The following TRMT2B variants were observed in gnomAD, a reference collection of about 807,000 sequenced individuals.
TRMT2B encodes tRNA (uracil-5-)-methyltransferase homolog B.
In TRMT2B, 34 loss-of-function variants were observed where a neutral mutation model predicts 39.7. The observed-to-expected ratio is 0.86, with a 90% CI of 0.65 to 1.14. The LOEUF is 1.14. Ranked by LOEUF, TRMT2B falls within the 50% of genes most tolerant of loss-of-function variation. The pLI is 0.00. For synonymous variants in TRMT2B, 132 were observed against 137.3 expected, an observed-to-expected ratio of 0.96 and a Z score of 0.27; for missense variants, 318 against 377.2, an observed-to-expected ratio of 0.84 and a Z score of 1.30.
At chrX:100,996,893 A>G in the TRMT2B span, among the ~76,000 whole-genome samples, 1 of 112,035 alleles carries the variant, frequency 8.9e-6, no homozygotes, top group Non-Finnish European at 1.9e-5. Context: ...CCTGGGCAAC[A>G]GAGTGAGACG....
At chrX:101,022,181 T>C (rs1016175698) in intron 8 of TRMT2B, 119 bp from the exon 9 acceptor site, 1 of 496,238 alleles carries the variant, frequency 2.0e-6, no homozygotes. Flanking sequence ...ACAAATCTTA[T>C]TATAAATAAC....
At chrX:100,977,535 C>CA in the TRMT2B span, among the ~76,000 whole-genome samples, 1 of 110,424 alleles carries the variant, frequency 9.1e-6, no homozygotes. Context: ...CGTGTGCCAC[C>CA]ACACCTGGCT....
At position 101,030,554 on chromosome X, in the gene TRMT2B, G is replaced by A. The variant is rs567981261; in HGVS notation, c.609+5059C>T. Among the ~76,000 whole-genome samples, 89 of 102,363 alleles carry A rather than the reference G, an allele frequency of 8.7e-4. 1 individual carries two copies. The South Asian group carries it at 0.035, about 41-fold the overall frequency. The allele number at this position is 102,363 out of a possible 115,157, so 88.9% of individuals were successfully genotyped here. A position where few individuals can be genotyped will look rare whatever the true frequency, so the allele number is the denominator to read the frequency against. On this transcript the variant is annotated intron_variant, in intron 7 of 13. Coordinates refer to ENST00000372936, the MANE Select transcript of TRMT2B (RefSeq NM_024917.6). ...CAACCTCCGCCTCCCGGGTTCAAGC[G>A]ATTCTGCCTCAGCCTCCTGAGAATC...
the TRMT2B span, chrX:100,990,701 A>G: frequency 5.5e-5 from 45 of 812,829 alleles, no homozygotes; most frequent in Non-Finnish European, 6.8e-5. Context: ...CTTGTGGACA[A>G]TAAGTCATGG....
At chrX:101,033,155 C>T (rs2087603719) in intron 7 of TRMT2B, among the ~76,000 whole-genome samples, 1 of 107,338 alleles carries the variant, frequency 9.3e-6, no homozygotes, top group Admixed American at 1.0e-4. Flanking sequence ...ACTTGGGAGG[C>T]TGAGGCAGGA....
the TRMT2B span, among the ~76,000 whole-genome samples, chrX:100,996,718 G>A: frequency 7.7e-4 from 85 of 110,845 alleles, no homozygotes; most frequent in East Asian, 0.013. Context: ...TACATTTCCA[G>A]CCTGGGCAAC....
At chrX:101,032,524 T>C (rs1187663236) in intron 7 of TRMT2B, among the ~76,000 whole-genome samples, 2 of 106,793 alleles carry the variant, frequency 1.9e-5, no homozygotes, top group Non-Finnish European at 3.8e-5. Flanking sequence ...GAGGCAGAGG[T>C]AGCAGTGAGC....
chrX:101,014,084 C>A (rs2086397111), intron 13 of TRMT2B, among the ~76,000 whole-genome samples: 1 of 110,785 alleles, frequency 9.0e-6, no homozygotes, highest in Non-Finnish European at 1.9e-5. Flanking sequence ...AAGACTCCAT[C>A]CCCCGCAAAA....
the TRMT2B span, chrX:100,985,997 C>T: frequency 9.3e-7 from 1 of 1,072,104 alleles, no homozygotes; most frequent in Non-Finnish European, 1.2e-6. Context: ...GGGGTGGTCC[C>T]TTTGTCACAC....
rs1602724712 is a variant in TRMT2B at position 101,051,861 on chromosome X, C to T, written c.-551G>A. The T allele has an allele frequency of 5.6e-5, 15 of 268,755 alleles. No individual in the cohort carries two copies. Among genetic ancestry groups the T allele is most frequent in the Non-Finnish European group, 7.7e-5 (15 of 195,290 alleles). The allele number at this position is 268,755 out of a possible 1,213,427, so 22.1% of individuals were successfully genotyped here. A position where few individuals can be genotyped will look rare whatever the true frequency, so the allele number is the denominator to read the frequency against. On this transcript the variant is annotated 5_prime_UTR_variant, in exon 1 of 14. Transcript: ENST00000372936. ...GGCCAGCGGATGGCCTGGTTTGCTG[C>T]GGCGGGGAAACAGTCACTTCCTGGT...
intron 13 of TRMT2B, among the ~76,000 whole-genome samples, chrX:101,013,913 C>T (rs1382031839): frequency 9.1e-6 from 1 of 109,834 alleles, no homozygotes; most frequent in Non-Finnish European, 1.9e-5. Flanking sequence ...CATAGTAAGA[C>T]CCTGACTCTA....
chrX:101,007,928 G>A (rs1471745982), downstream of TRMT2B, among the ~76,000 whole-genome samples: 2 of 110,986 alleles, frequency 1.8e-5, no homozygotes, highest in East Asian at 2.8e-4. Context: ...CAATAACCTG[G>A]AGAGAGATGA....
chrX:101,011,176 A>G (rs770024879), intron 13 of TRMT2B, among the ~76,000 whole-genome samples: 1 of 111,696 alleles, frequency 9.0e-6, no homozygotes, highest in African/African-American at 3.2e-5. Flanking sequence ...TTGTTAGGCA[A>G]TTTCTTCACT....
chrX:100,993,096 AG>A, the TRMT2B span, among the ~76,000 whole-genome samples: 1 of 112,097 alleles, frequency 8.9e-6, no homozygotes. Flanking sequence ...GGCACAGCTT[AG>A]AATTATGAAG....
chrX:100,982,091 G>A, the TRMT2B span, among the ~76,000 whole-genome samples: 1 of 110,868 alleles, frequency 9.0e-6, no homozygotes, highest in African/African-American at 3.3e-5. Context: ...TTAGACTAGC[G>A]CCTTTCAAAC....
At chrX:101,018,950 T>A in intron 13 of TRMT2B, 21 bp downstream of exon 13, 1 of 1,103,388 alleles carries the variant, frequency 9.1e-7, no homozygotes, top group Non-Finnish European at 1.3e-6. Context: ...CAAAAAATTT[T>A]AAACAGAAGT....
At chrX:100,995,926 T>C in the TRMT2B span, among the ~76,000 whole-genome samples, 304 of 112,085 alleles carry the variant, frequency 2.7e-3, no homozygotes, top group African/African-American at 9.5e-3. Context: ...ACAGTTCTTT[T>C]ACATTCCACA....
At chrX:101,028,308 G>A (rs2087243203) in intron 7 of TRMT2B, among the ~76,000 whole-genome samples, 1 of 108,707 alleles carries the variant, frequency 9.2e-6, no homozygotes, top group Non-Finnish European at 1.9e-5. Context: ...TAGTAGAGAT[G>A]GGGTTTCACT....
downstream of TRMT2B, among the ~76,000 whole-genome samples, chrX:101,005,880 C>CAAAAA (rs370275736): frequency 3.4e-4 from 22 of 64,231 alleles, no homozygotes; most frequent in East Asian, 2.6e-3. Flanking sequence ...GATTCCCACT[C>CAAAAA]AAAAAAAAAA....
Sources: gnomAD v4.1 joint callset for allele counts (sites outside exome capture counted in the v4.1 genomes callset) on GRCh38, gnomAD v4.1.1 for gene constraint, MANE v1.5 for transcripts, NCBI Gene and HGNC (gene_info 2026-07-23, HGNC 2026-07-21) for gene names.